NTN4: variants seen among roughly 807,000 people sequenced by gnomAD.
NTN4 encodes the protein netrin 4, also known as netrin-4.
NTN4 carries 32 observed loss-of-function variants against 73.6 expected under a neutral mutation model. The observed-to-expected ratio is 0.44, with a 90% CI of 0.33 to 0.58. The LOEUF is 0.58. NTN4 is among the 20% of genes least tolerant of loss of function. The pLI is 0.04. For missense variants in NTN4, 654 were observed against 798.3 expected, an observed-to-expected ratio of 0.82 and a Z score of 2.18; for synonymous variants, 258 against 287.5, an observed-to-expected ratio of 0.90 and a Z score of 1.04.
chr12:95,682,057 C>CTTTTTTTGTTTTTTTTTTT (rs2078320579), intron 7 of NTN4, among the ~76,000 whole-genome samples: 3 of 64,546 alleles, frequency 4.6e-5, no homozygotes, highest in Non-Finnish European at 7.8e-5. Flanking sequence ...ATTCAGTAGG[C>CTTTTTTTGTTTTTTTTTTT]TTTTTTTTTT....
chr12:95,740,029 C>T (rs1443578540), intron 2 of NTN4: 1 of 152,228 alleles, frequency 6.6e-6, no homozygotes, highest in African/African-American at 2.4e-5. Flanking sequence ...TGCATGACAC[C>T]ACAGTTGGCA....
intron 5 of NTN4, among the ~76,000 whole-genome samples, chr12:95,690,069 C>A (rs186938357): frequency 2.1e-4 from 32 of 152,248 alleles, no homozygotes; most frequent in African/African-American, 7.7e-4. Flanking sequence ...AGATAATGTA[C>A]GTCACTAGCA....
chr12:95,660,028 A>T (rs1229207400), intron 9 of NTN4, among the ~76,000 whole-genome samples: 2 of 150,106 alleles, frequency 1.3e-5, no homozygotes, highest in African/African-American at 4.9e-5. Context: ...TTTTGTTTTG[A>T]TTTTGGATGG....
At position 95,790,168 on chromosome 12, in the gene NTN4, C is replaced by A; in HGVS notation, c.55+87G>T. ...CGGGAGCAGCGCTCTGCGCTCGCAGCCCTGGCTCCCCTGCACCCCCGAGTC... is the reference window on the plus strand; with the variant it reads ...CGGGAGCAGCGCTCTGCGCTCGCAGACCTGGCTCCCCTGCACCCCCGAGTC... On this transcript the variant is annotated intron_variant, in intron 1 of 9. Coordinates refer to ENST00000343702, the MANE Select transcript of NTN4 (RefSeq NM_021229.4). This position sits in a 1 kb window ranked among gnomAD's most constrained non-coding sequence, Gnocchi z 6.5. 2.5e-6 allele frequency: 3 copies of A among 1,215,822 alleles called. No individual in the cohort carries two copies. Among genetic ancestry groups the A allele is most frequent in the African/African-American group, 1.6e-5 (1 of 63,554 alleles). 75.3% of individuals were successfully genotyped at this position (1,215,822 alleles called of 1,614,324 possible). A position where few individuals can be genotyped will look rare whatever the true frequency, so the allele number is the denominator to read the frequency against.
At chr12:95,733,385 T>C (rs1472382884) in intron 3 of NTN4, among the ~76,000 whole-genome samples, 3 of 152,228 alleles carry the variant, frequency 2.0e-5, no homozygotes, top group South Asian at 2.1e-4. Context: ...TAAGCTGTGA[T>C]TTATTTTTGT....
chr12:95,669,964 G>C, intron 8 of NTN4, 114 bp downstream of exon 8: 1 of 583,934 alleles, frequency 1.7e-6, no homozygotes, highest in East Asian at 2.9e-5. Flanking sequence ...TAAGACTAAT[G>C]CTTTGTGCTT....
chr12:95,770,739 A>G (rs1214241390), intron 2 of NTN4, among the ~76,000 whole-genome samples: 1 of 152,248 alleles, frequency 6.6e-6, no homozygotes, highest in Non-Finnish European at 1.5e-5. Context: ...GCCGGAAGAC[A>G]GTGTCAGCAC....
intron 2 of NTN4, among the ~76,000 whole-genome samples, chr12:95,741,427 T>TATATATA (rs2078823266): frequency 2.0e-5 from 1 of 51,060 alleles, no homozygotes; most frequent in Admixed American, 3.0e-4. Context: ...TATGTATAAA[T>TATATATA]TATATATATA....
intron 5 of NTN4, among the ~76,000 whole-genome samples, chr12:95,688,696 C>T (rs988372934): frequency 6.7e-5 from 10 of 149,846 alleles, no homozygotes; most frequent in African/African-American, 1.2e-4. Flanking sequence ...GGATAGAACA[C>T]GGTGGAAACA....
intron 3 of NTN4, among the ~76,000 whole-genome samples, chr12:95,719,454 G>A (rs1419282797): frequency 6.6e-6 from 1 of 152,160 alleles, no homozygotes; most frequent in African/African-American, 2.4e-5. Context: ...ATGCTATACA[G>A]CAATTGAAGA....
At chr12:95,727,931 A>G (rs2078707284) in intron 3 of NTN4, among the ~76,000 whole-genome samples, 1 of 152,164 alleles carries the variant, frequency 6.6e-6, no homozygotes, top group Admixed American at 6.6e-5. Context: ...TTAATGCATG[A>G]AGTCAAAATG....
intron 5 of NTN4, among the ~76,000 whole-genome samples, chr12:95,697,004 T>C (rs2078447335): frequency 6.6e-6 from 1 of 151,318 alleles, no homozygotes; most frequent in Non-Finnish European, 1.5e-5. Context: ...AGCCCCTCTC[T>C]ACAAAAAATA....
chr12:95,719,953 G>C (rs2078634708), intron 3 of NTN4, among the ~76,000 whole-genome samples: 1 of 152,056 alleles, frequency 6.6e-6, no homozygotes, highest in Non-Finnish European at 1.5e-5. Flanking sequence ...GAACACTTGA[G>C]GAAACCCACT....
intron 2 of NTN4, among the ~76,000 whole-genome samples, chr12:95,746,737 T>C (rs2078865742): frequency 6.6e-6 from 1 of 152,160 alleles, no homozygotes; most frequent in South Asian, 2.1e-4. Context: ...AGTCCTTAAG[T>C]CAGGAAATCC....
At chr12:95,714,493 G>A (rs927072307) in intron 3 of NTN4, among the ~76,000 whole-genome samples, 1 of 151,620 alleles carries the variant, frequency 6.6e-6, no homozygotes, top group Non-Finnish European at 1.5e-5. Context: ...GAGTCACTAT[G>A]CTAGGCCATG....
At chr12:95,677,690 A>C (rs2078283397) in intron 7 of NTN4, among the ~76,000 whole-genome samples, 1 of 152,234 alleles carries the variant, frequency 6.6e-6, no homozygotes, top group South Asian at 2.1e-4. Context: ...CAAACAACAG[A>C]TGCTGGCAAG....
chr12:95,702,960 C>T (rs192547842), intron 5 of NTN4, among the ~76,000 whole-genome samples: 18 of 150,292 alleles, frequency 1.2e-4, no homozygotes, highest in African/African-American at 3.2e-4. Context: ...CAGGTGCGAG[C>T]GATTCTCCTG....
At chr12:95,727,170 T>A (rs956711985) in intron 3 of NTN4, among the ~76,000 whole-genome samples, 1 of 152,210 alleles carries the variant, frequency 6.6e-6, no homozygotes, top group Admixed American at 6.5e-5. Context: ...CCCTAATGAC[T>A]AATGATGTTG....
intron 5 of NTN4, among the ~76,000 whole-genome samples, chr12:95,699,182 G>T (rs2078464601): frequency 6.6e-6 from 1 of 152,112 alleles, no homozygotes; most frequent in African/African-American, 2.4e-5. Context: ...TGTCTATGTT[G>T]TTTATATGGT....
Sources: gnomAD v4.1 joint callset for allele counts (sites outside exome capture counted in the v4.1 genomes callset) on GRCh38, gnomAD v4.1.1 for gene constraint, Gnocchi (gnomAD v3.1) non-coding constraint, MANE v1.5 for transcripts, NCBI Gene and HGNC (gene_info 2026-07-23, HGNC 2026-07-21) for gene names.